Variants in AKAP6 observed in about 807,000 individuals in gnomAD.
AKAP6 encodes the protein A-kinase anchoring protein 6, also known as A-kinase anchor protein 6.
A neutral mutation model predicts 188.5 loss-of-function variants in AKAP6; 58 were observed. The ratio of observed to expected loss-of-function variants is 0.31; its 90% CI spans 0.25 to 0.38. The LOEUF is 0.38. AKAP6 is among the 10% of genes least tolerant of loss of function. The pLI is 1.00. For synonymous variants in AKAP6, 989 were observed against 998.6 expected, an observed-to-expected ratio of 0.99 and a Z score of 0.18; for missense variants, 2,710 against 2,740.0, an observed-to-expected ratio of 0.99 and a Z score of 0.24.
At chr14:32,336,631 T>A (rs1886712019) in intron 1 of AKAP6, among the ~76,000 whole-genome samples, 1 of 152,222 alleles carries the variant, frequency 6.6e-6, no homozygotes, top group Non-Finnish European at 1.5e-5. Flanking sequence ...TACCTTGACA[T>A]GGAGCTCCAA....
intron 1 of AKAP6, among the ~76,000 whole-genome samples, chr14:32,334,768 C>T (rs1376116044): frequency 1.3e-5 from 2 of 152,124 alleles, no homozygotes; most frequent in Non-Finnish European, 2.9e-5. Flanking sequence ...TAATTGAATT[C>T]CTGAGTTGGC....
Position 32,345,496 on chromosome 14 carries a change from G to C in AKAP6, c.-35+16088G>C, listed in dbSNP as rs535204599. Among the ~76,000 whole-genome samples, 11 of 152,346 alleles carry C rather than the reference G, an allele frequency of 7.2e-5. No individual in the cohort carries two copies. In the South Asian group the frequency reaches 2.3e-3, roughly 32 times the overall value. ...GAATTATCTCCATCACTGAGCCTCA[G>C]ACATGTTTGGGCATGTCTGCTGAAT... On this transcript the variant is annotated intron_variant, in intron 1 of 13. Transcript: ENST00000280979.
intron 8 of AKAP6, among the ~76,000 whole-genome samples, chr14:32,685,606 C>A (rs1055640721): frequency 2.6e-5 from 4 of 151,730 alleles, no homozygotes; most frequent in African/African-American, 9.7e-5. Context: ...CGCCTGTACT[C>A]CCAGCTACTA....
intron 4 of AKAP6, among the ~76,000 whole-genome samples, chr14:32,561,007 T>G (rs1286799153): frequency 6.6e-6 from 1 of 152,204 alleles, no homozygotes; most frequent in Non-Finnish European, 1.5e-5. Flanking sequence ...TTTTATAAAT[T>G]AGAAGAGACA....
intron 1 of AKAP6, among the ~76,000 whole-genome samples, chr14:32,352,103 T>TGTGTGTTTG (rs1887300629): frequency 8.3e-6 from 1 of 120,354 alleles, no homozygotes; most frequent in African/African-American, 3.5e-5. Flanking sequence ...GTGTGTGTGT[T>TGTGTGTTTG]TGTGTGTGTG....
chr14:32,395,664 A>C (rs145073652), intron 1 of AKAP6, among the ~76,000 whole-genome samples: 1 of 152,186 alleles, frequency 6.6e-6, no homozygotes, highest in South Asian at 2.1e-4. Context: ...CTTGTTTTCT[A>C]TGTTGATGTC....
intron 2 of AKAP6, among the ~76,000 whole-genome samples, chr14:32,459,338 A>G (rs1330973715): frequency 1.3e-5 from 2 of 152,166 alleles, no homozygotes; most frequent in African/African-American, 4.8e-5. Context: ...TATTTGCCAA[A>G]CTATACTTAT....
chr14:32,345,113 TTTTCATA>T (rs1305747772), intron 1 of AKAP6, among the ~76,000 whole-genome samples: 2 of 152,118 alleles, frequency 1.3e-5, no homozygotes, highest in Non-Finnish European at 2.9e-5. Context: ...TGGGGAAATG[TTTTCATA>T]GAAGGGATTT....
chr14:32,539,884 A>G lies in AKAP6; in HGVS notation c.576+4079A>G, dbSNP rs146096653. ...CAAAGTCTAGTCCATGTAGACTAAC[A>G]TGTAAATTGATGGGCCTCTTACTAG... On this transcript the variant is annotated intron_variant, in intron 3 of 13. Coordinates refer to ENST00000280979, the MANE Select transcript of AKAP6 (RefSeq NM_004274.5). 5.9e-5 allele frequency among the ~76,000 whole-genome samples: 9 copies of G among 152,182 alleles called. 1 individual carries two copies. Among genetic ancestry groups the G allele is most frequent in the African/African-American group, 9.6e-5 (4 of 41,524 alleles).
intron 9 of AKAP6, among the ~76,000 whole-genome samples, chr14:32,696,896 C>T (rs1244894436): frequency 6.6e-6 from 1 of 151,950 alleles, no homozygotes; most frequent in African/African-American, 2.4e-5. Context: ...AGTAAATCTT[C>T]CTCATTTAGG....
chr14:32,488,584 GAA>G (rs1879826987), intron 2 of AKAP6, among the ~76,000 whole-genome samples: 1 of 152,146 alleles, frequency 6.6e-6, no homozygotes, highest in African/African-American at 2.4e-5. Context: ...GATATGAAAA[GAA>G]ACTCCTGCAG....
At chr14:32,742,932 T>C (rs2031741091) in intron 11 of AKAP6, among the ~76,000 whole-genome samples, 1 of 152,140 alleles carries the variant, frequency 6.6e-6, no homozygotes, top group Non-Finnish European at 1.5e-5. Context: ...CTTGATTTTA[T>C]GTCTAGAAGA....
intron 2 of AKAP6, among the ~76,000 whole-genome samples, chr14:32,509,493 CTT>C (rs1042344431): frequency 6.6e-6 from 1 of 151,798 alleles, no homozygotes; most frequent in Non-Finnish European, 1.5e-5. Flanking sequence ...TCTTTTCTAA[CTT>C]TTTTTTGTAA....
At chr14:32,765,495 C>A (rs932721558) in intron 11 of AKAP6, among the ~76,000 whole-genome samples, 1 of 152,120 alleles carries the variant, frequency 6.6e-6, no homozygotes, top group African/African-American at 2.4e-5. Flanking sequence ...TGCTTTAACT[C>A]CTCTTTCAGA....
At chr14:32,397,307 G>GC (rs761920322) in intron 1 of AKAP6, among the ~76,000 whole-genome samples, 1 of 151,998 alleles carries the variant, frequency 6.6e-6, no homozygotes, top group Non-Finnish European at 1.5e-5. Context: ...CAGCCATTGG[G>GC]CCCCTCAAAG....
chr14:32,775,722 C>T (rs1408294841), intron 12 of AKAP6, among the ~76,000 whole-genome samples: 1 of 152,188 alleles, frequency 6.6e-6, no homozygotes, highest in Non-Finnish European at 1.5e-5. Context: ...AGCCACTGCA[C>T]TCAGCCTTTT....
At chr14:32,724,078 CT>C (rs5807678) in intron 9 of AKAP6, among the ~76,000 whole-genome samples, 150,239 of 152,122 alleles carry the variant, frequency 0.99, 74,215 homozygotes, top group Middle Eastern at 1. Context: ...TCTTCTTCTT[CT>C]TTTTTTTTCC....
intron 5 of AKAP6, among the ~76,000 whole-genome samples, chr14:32,595,667 C>G (rs908951014): frequency 3.3e-5 from 5 of 152,082 alleles, no homozygotes; most frequent in African/African-American, 7.2e-5. Context: ...TGCCACCACA[C>G]CCAGCTAATT....
chr14:32,468,394 G>C (rs1325643184), intron 2 of AKAP6, among the ~76,000 whole-genome samples: 1 of 152,116 alleles, frequency 6.6e-6, no homozygotes, highest in Non-Finnish European at 1.5e-5. Flanking sequence ...CCAAAGTCCT[G>C]TGAGACAATG....
Sources: allele counts gnomAD v4.1 joint callset (sites outside exome capture counted in the v4.1 genomes callset), GRCh38; gene constraint gnomAD v4.1.1; transcripts MANE v1.5; gene names NCBI Gene and HGNC (gene_info 2026-07-23, HGNC 2026-07-21).